The following ASAP2 variants were observed in gnomAD, a reference collection of about 807,000 sequenced individuals.
ASAP2 encodes ArfGAP with SH3 domain, ankyrin repeat and PH domain 2.
ASAP2 carries 45 observed loss-of-function variants against 131.4 expected under a neutral mutation model. The ratio of observed to expected loss-of-function variants is 0.34; its 90% CI spans 0.27 to 0.44. ASAP2 has a LOEUF of 0.44. Among genes scored for constraint, ASAP2 ranks in the 20% least tolerant of loss-of-function variants. The probability of loss-of-function intolerance (pLI) is 1.00; values close to 1 mark genes in which losing one functional copy is unlikely to be tolerated. For synonymous variants in ASAP2, 510 were observed against 503.0 expected (o/e 1.01, Z -0.19); for missense variants, 1,011 against 1,297.0 (o/e 0.78, Z 3.39).
intron 3 of ASAP2, among the ~76,000 whole-genome samples, chr2:9,316,452 T>C (rs1309954550): frequency 1.3e-5 from 2 of 152,214 alleles, no homozygotes; most frequent in African/African-American, 4.8e-5. Flanking sequence ...AATGAATACA[T>C]AAGGTCCCAA....
At chr2:9,212,081 C>G (rs1028309830) in intron 1 of ASAP2, among the ~76,000 whole-genome samples, 1 of 152,080 alleles carries the variant, frequency 6.6e-6, no homozygotes, top group Non-Finnish European at 1.5e-5. Context: ...TTCTTAGGCT[C>G]AAGAGTAGAA....
At chr2:9,382,735 C>T (rs943425662) in intron 20 of ASAP2, among the ~76,000 whole-genome samples, 2 of 152,132 alleles carry the variant, frequency 1.3e-5, no homozygotes, top group African/African-American at 4.8e-5. Flanking sequence ...TTTTTCTGTA[C>T]GGTTACACTG....
At chr2:9,252,592 C>CA (rs1395655031) in intron 1 of ASAP2, among the ~76,000 whole-genome samples, 1 of 150,348 alleles carries the variant, frequency 6.7e-6, no homozygotes. Flanking sequence ...CCCCGCCCCC[C>CA]AAAAAAAGCC....
intron 11 of ASAP2, among the ~76,000 whole-genome samples, chr2:9,347,990 T>TA (rs1372458395): frequency 6.6e-6 from 1 of 152,240 alleles, no homozygotes; most frequent in East Asian, 1.9e-4. Context: ...ATCTTTTTTT[T>TA]ACCATTCCTT....
chr2:9,371,772 ACC>A (rs1673985847), intron 16 of ASAP2, among the ~76,000 whole-genome samples: 1 of 152,088 alleles, frequency 6.6e-6, no homozygotes, highest in Non-Finnish European at 1.5e-5. Flanking sequence ...TCCTCTGAAC[ACC>A]AAATGTATCA....
intron 3 of ASAP2, among the ~76,000 whole-genome samples, chr2:9,297,705 T>G (rs989380300): frequency 6.6e-6 from 1 of 152,248 alleles, no homozygotes; most frequent in African/African-American, 2.4e-5. Flanking sequence ...TGCATTCGTC[T>G]TCTTAAGGGC....
intron 3 of ASAP2, among the ~76,000 whole-genome samples, chr2:9,309,899 AG>A (rs1669188995): frequency 1.3e-5 from 2 of 152,226 alleles, no homozygotes; most frequent in South Asian, 4.1e-4. Flanking sequence ...GGGACATCAC[AG>A]GTCCAAAGCC....
chr2:9,331,739 G>C (rs954400233), intron 7 of ASAP2, among the ~76,000 whole-genome samples: 1 of 152,064 alleles, frequency 6.6e-6, no homozygotes, highest in African/African-American at 2.4e-5. Flanking sequence ...CTGCACCCCA[G>C]CCTGGGCGAC....
intron 3 of ASAP2, among the ~76,000 whole-genome samples, chr2:9,304,500 AG>A (rs1668699567): frequency 8.4e-6 from 1 of 118,906 alleles, no homozygotes. Context: ...GGGGGGGTGT[AG>A]ATACAGGTGG....
At chr2:9,387,066 CTTG>C (rs1360675622) in intron 21 of ASAP2, among the ~76,000 whole-genome samples, 5 of 128,846 alleles carry the variant, frequency 3.9e-5, no homozygotes, top group Non-Finnish European at 6.1e-5. Context: ...ATTAGCCGGG[CTTG>C]GTGGTGGGTG....
intron 2 of ASAP2, among the ~76,000 whole-genome samples, chr2:9,280,167 G>T (rs1159234582): frequency 1.3e-5 from 2 of 152,162 alleles, no homozygotes; most frequent in African/African-American, 4.8e-5. Flanking sequence ...GTGGGAGGAG[G>T]AGGGGCCTGG....
chr2:9,297,095 TACC>T (rs1332030443), intron 2 of ASAP2, among the ~76,000 whole-genome samples: 1 of 152,212 alleles, frequency 6.6e-6, no homozygotes, highest in Non-Finnish European at 1.5e-5. Flanking sequence ...CCCTCTTGCA[TACC>T]ACACTTGTTC....
chr2:9,404,676 A>G lies in ASAP2; in HGVS notation c.*1349A>G, dbSNP rs1677050378. The G allele has an allele frequency of 1.3e-5, 2 of 152,176 alleles. No individual in the cohort carries two copies. Among genetic ancestry groups the G allele is most frequent in the African/African-American group, 2.4e-5 (1 of 41,310 alleles). 9.4% of individuals were successfully genotyped at this position (152,176 alleles called of 1,614,324 possible). On this transcript the variant is annotated 3_prime_UTR_variant, in exon 28 of 28. Coordinates refer to ENST00000281419, the MANE Select transcript of ASAP2 (RefSeq NM_003887.3). The stretch of plus-strand genomic sequence containing the variant: ...GTGAGGCAGCAATGCTGTTAACTGC[A>G]TTTGTTGTGATGGTGCATTTGATTG...
intron 7 of ASAP2, among the ~76,000 whole-genome samples, chr2:9,329,012 C>T (rs895736874): frequency 3.3e-5 from 5 of 152,200 alleles, no homozygotes; most frequent in African/African-American, 4.8e-5. Flanking sequence ...ACAGCCAGCA[C>T]ACAGTGCCCG....
chr2:9,317,574 CCA>C (rs1425264853), intron 3 of ASAP2, among the ~76,000 whole-genome samples: 19 of 149,700 alleles, frequency 1.3e-4, no homozygotes, highest in Non-Finnish European at 2.5e-4. Context: ...TCTCACACAC[CCA>C]CACACCCGTA....
At chr2:9,363,695 T>A (rs575657017) in intron 15 of ASAP2, among the ~76,000 whole-genome samples, 1 of 152,244 alleles carries the variant, frequency 6.6e-6, no homozygotes, top group African/African-American at 2.4e-5. Context: ...GCAATCCTTC[T>A]GGGTAGCTGG....
chr2:9,267,537 A>G (rs542510452), intron 1 of ASAP2, among the ~76,000 whole-genome samples: 8 of 152,140 alleles, frequency 5.3e-5, no homozygotes, highest in South Asian at 4.2e-4. Context: ...TCTTTATCCA[A>G]TCCACTGTTG....
chr2:9,280,800 A>G (rs1026161262), intron 2 of ASAP2, among the ~76,000 whole-genome samples: 5 of 152,198 alleles, frequency 3.3e-5, no homozygotes, highest in African/African-American at 9.6e-5. Flanking sequence ...AGCAATAATG[A>G]TAGTTTTGAT....
intron 1 of ASAP2, among the ~76,000 whole-genome samples, chr2:9,233,774 A>G (rs919448530): frequency 2.0e-5 from 3 of 152,224 alleles, no homozygotes; most frequent in African/African-American, 7.2e-5. Flanking sequence ...AATCCTTACA[A>G]CAACCCTGTG....
Sources: gnomAD v4.1 joint callset for allele counts (sites outside exome capture counted in the v4.1 genomes callset) on GRCh38, gnomAD v4.1.1 for gene constraint, MANE v1.5 for transcripts, NCBI Gene and HGNC (gene_info 2026-07-23, HGNC 2026-07-21) for gene names.